CUX2: variants seen among roughly 807,000 people sequenced by gnomAD.
The protein encoded by CUX2 is homeobox protein cut-like 2.
In CUX2, 40 loss-of-function variants were observed where a neutral mutation model predicts 144.8. The observed-to-expected ratio is 0.28, with a 90% confidence interval of 0.21 to 0.36. CUX2 has a LOEUF of 0.36. CUX2 is among the 10% of genes least tolerant of loss of function. The pLI is 1.00. For missense variants in CUX2, 1,615 were observed against 1,994.0 expected (o/e 0.81, Z 3.62); for synonymous variants, 827 against 875.6 (o/e 0.94, Z 0.98).
At chr12:111,251,307 T>G (rs1446789595) in intron 3 of CUX2, among the ~76,000 whole-genome samples, 1 of 152,066 alleles carries the variant, frequency 6.6e-6, no homozygotes, top group Non-Finnish European at 1.5e-5. Flanking sequence ...AAATTGTTTT[T>G]CCCCCAGAAG....
At chr12:111,265,309 TTTTTATTTTA>T (rs199678456) in intron 4 of CUX2, among the ~76,000 whole-genome samples, 32,158 of 143,488 alleles carry the variant, frequency 0.22, 3,826 homozygotes, top group East Asian at 0.32. Flanking sequence ...TTTTATTTTA[TTTTTATTTTA>T]TTTTATTTTA....
intron 1 of CUX2, among the ~76,000 whole-genome samples, chr12:111,165,606 G>A (rs753702254): frequency 2.6e-5 from 4 of 152,184 alleles, no homozygotes; most frequent in Non-Finnish European, 4.4e-5. Flanking sequence ...GTGTATCTGG[G>A]CCTCATTGTC....
chr12:111,094,163 T>C lies in CUX2; in HGVS notation c.63+59923T>C, dbSNP rs75444832. Among the ~76,000 whole-genome samples, 1,305 of 152,352 alleles carry C rather than the reference T, an allele frequency of 8.6e-3. 12 individuals are homozygous for C. The highest frequency in any genetic ancestry group is 0.015 in the Non-Finnish European group (988 of 68,028). ...TTTTAGAGGAAGCTTTATAACCTTC[T>C]GGCAGAGGAATTCCTGAAAACGAGG... On this transcript the variant is annotated intron_variant, in intron 1 of 21. Transcript: ENST00000261726.
chr12:111,250,911 G>T (rs906839176), intron 3 of CUX2, among the ~76,000 whole-genome samples: 24 of 152,166 alleles, frequency 1.6e-4, no homozygotes, highest in African/African-American at 5.8e-4. Flanking sequence ...CCCAGGCAGG[G>T]CAGGAAACAT....
chr12:111,314,841 CA>C (rs1038340003), intron 16 of CUX2, among the ~76,000 whole-genome samples: 1 of 149,162 alleles, frequency 6.7e-6, no homozygotes, highest in Non-Finnish European at 1.5e-5. Flanking sequence ...GATGCTGTCT[CA>C]AAAAAAAATA....
chr12:111,311,961 T>A (rs532854511), intron 15 of CUX2, 139 bp from the exon 16 acceptor site: 1 of 604,480 alleles, frequency 1.7e-6, no homozygotes, highest in South Asian at 2.2e-5. Context: ...TTACATAGAC[T>A]AAGCAGTGGC....
At chr12:111,252,401 G>C (rs978981857) in intron 3 of CUX2, among the ~76,000 whole-genome samples, 1 of 152,166 alleles carries the variant, frequency 6.6e-6, no homozygotes, top group African/African-American at 2.4e-5. Context: ...CCCCAGGCTA[G>C]TTTCTCCTCT....
intron 18 of CUX2, among the ~76,000 whole-genome samples, chr12:111,323,908 C>A (rs1887651062): frequency 6.6e-6 from 1 of 151,972 alleles, no homozygotes; most frequent in South Asian, 2.1e-4. Flanking sequence ...AAAAAATTAG[C>A]CGGGTATGGT....
intron 1 of CUX2, among the ~76,000 whole-genome samples, chr12:111,175,183 A>T (rs1878770878): frequency 6.6e-6 from 1 of 152,150 alleles, no homozygotes; most frequent in African/African-American, 2.4e-5. Flanking sequence ...ATTTCTATTC[A>T]TCTGGGACTC....
At chr12:111,294,443 G>C (rs1382038411) in intron 6 of CUX2, among the ~76,000 whole-genome samples, 1 of 151,866 alleles carries the variant, frequency 6.6e-6, no homozygotes, top group Non-Finnish European at 1.5e-5. Flanking sequence ...GCCAAGCATG[G>C]TGGCGTGCAC....
At chr12:111,201,760 C>T (rs1022554310) in intron 1 of CUX2, among the ~76,000 whole-genome samples, 1 of 152,156 alleles carries the variant, frequency 6.6e-6, no homozygotes, top group Non-Finnish European at 1.5e-5. Context: ...TTCTTCCCAC[C>T]CCCAGATGCT....
At chr12:111,226,913 G>A (rs1309862601) in intron 3 of CUX2, among the ~76,000 whole-genome samples, 2 of 152,258 alleles carry the variant, frequency 1.3e-5, no homozygotes, top group Non-Finnish European at 2.9e-5. Flanking sequence ...CTGCATTATG[G>A]AAGGCCGTGC....
chr12:111,311,224 C>T (rs144065783), intron 15 of CUX2, among the ~76,000 whole-genome samples: 1 of 152,336 alleles, frequency 6.6e-6, no homozygotes, highest in African/African-American at 2.4e-5. Context: ...CTGACCACAG[C>T]ACCTGGCATG....
intron 1 of CUX2, among the ~76,000 whole-genome samples, chr12:111,205,219 C>T (rs1166280405): frequency 6.6e-6 from 1 of 152,100 alleles, no homozygotes; most frequent in African/African-American, 2.4e-5. Context: ...CAGCCCCCTC[C>T]CAGAGCTGGC....
At chr12:111,256,521 G>A (rs184541601) in intron 3 of CUX2, among the ~76,000 whole-genome samples, 1 of 152,078 alleles carries the variant, frequency 6.6e-6, no homozygotes, top group African/African-American at 2.4e-5. Flanking sequence ...ACCCTCTCCA[G>A]AGCCCAGGAC....
intron 1 of CUX2, among the ~76,000 whole-genome samples, chr12:111,137,008 G>T (rs1875936078): frequency 6.6e-6 from 1 of 151,780 alleles, no homozygotes; most frequent in African/African-American, 2.4e-5. Flanking sequence ...CACGATCTTG[G>T]TTCATTGCAA....
intron 1 of CUX2, among the ~76,000 whole-genome samples, chr12:111,188,717 C>T (rs1236519486): frequency 1.3e-5 from 2 of 152,086 alleles, no homozygotes; most frequent in African/African-American, 4.8e-5. Flanking sequence ...ATTTGGTGCC[C>T]CAGCCTCAGG....
At chr12:111,102,241 G>A (rs967120721) in intron 1 of CUX2, among the ~76,000 whole-genome samples, 1 of 152,226 alleles carries the variant, frequency 6.6e-6, no homozygotes, top group African/African-American at 2.4e-5. Flanking sequence ...CAACGGTCTG[G>A]TGAGGTGGGC....
chr12:111,143,701 G>C (rs925320016), intron 1 of CUX2, among the ~76,000 whole-genome samples: 1 of 152,214 alleles, frequency 6.6e-6, no homozygotes, highest in African/African-American at 2.4e-5. Context: ...TTTTCTGGAG[G>C]CCTCGCCGCC....
Sources: allele counts gnomAD v4.1 joint callset (sites outside exome capture counted in the v4.1 genomes callset), GRCh38; gene constraint gnomAD v4.1.1; transcripts MANE v1.5; gene names NCBI Gene and HGNC (gene_info 2026-07-23, HGNC 2026-07-21).